IFNGR1: variants seen among roughly 807,000 people sequenced by gnomAD.
The protein encoded by IFNGR1 is AVP, type 2.
A neutral mutation model predicts 35.4 loss-of-function variants in IFNGR1; 23 were observed. The ratio of observed to expected loss-of-function variants is 0.65; its 90% confidence interval spans 0.47 to 0.92. The LOEUF is 0.92. Ranked by LOEUF, IFNGR1 falls within the 40% of genes least tolerant of loss-of-function variation. The probability of loss-of-function intolerance (pLI) is 0.00; values close to 1 mark genes in which losing one functional copy is unlikely to be tolerated. For missense variants in IFNGR1, 533 were observed against 583.4 expected (o/e 0.91, Z 0.89); for synonymous variants, 199 against 209.5 (o/e 0.95, Z 0.43).
intron 1 of IFNGR1, among the ~76,000 whole-genome samples, chr6:137,212,782 GTTTCCTATAA>G (rs1679493198): frequency 6.6e-6 from 1 of 152,332 alleles, no homozygotes; most frequent in Admixed American, 6.5e-5. Context: ...ATCAAAGTAT[GTTTCCTATAA>G]TTTAAGTAAA....
intron 2 of IFNGR1, 79 bp downstream of exon 2, chr6:137,206,884 T>C: frequency 6.3e-6 from 7 of 1,118,526 alleles, no homozygotes; most frequent in African/African-American, 1.5e-5. Flanking sequence ...GGAAGGCTGA[T>C]GAAAGAACAC....
At chr6:137,205,659 G>A (rs886816756) in intron 3 of IFNGR1, among the ~76,000 whole-genome samples, 8 of 152,122 alleles carry the variant, frequency 5.3e-5, no homozygotes, top group Non-Finnish European at 1.0e-4. Context: ...GCAGGGGACC[G>A]CTGGGCAGCA....
At position 137,215,076 on chromosome 6, in the gene IFNGR1, T is replaced by A. The variant is rs1779658568; in HGVS notation, c.85+4167A>T. The stretch of plus-strand genomic sequence containing the variant: ...ACACACAGTGTGCTTACCTTTTTAA[T>A]GCATTACCTCAGATACTCATCACAT... On this transcript the variant is annotated intron_variant, in intron 1 of 6. Transcript: ENST00000367739. 2.6e-5 allele frequency among the ~76,000 whole-genome samples: 4 copies of A among 152,242 alleles called. No individual in the cohort carries two copies. The South Asian group carries it at 8.3e-4, about 32-fold the overall frequency.
rs371734711 is a variant in IFNGR1, at chr6:137,203,519, A to G, written c.713T>C (p.Ile238Thr). 54 of 1,601,866 alleles carry G rather than the reference A, an allele frequency of 3.4e-5. No homozygotes were observed. Among genetic ancestry groups the G allele is most frequent in the Non-Finnish European group, 4.4e-5 (51 of 1,168,958 alleles). The change falls in exon 5 of 7, where the codon ATT (isoleucine) becomes ACT (threonine). Residue 238 changes from isoleucine to threonine, a missense_variant. Physicochemically the swap from Ile to Thr is moderately conservative, Grantham distance 89. Coordinates refer to ENST00000367739, the MANE Select transcript of IFNGR1 (RefSeq NM_000416.3). ...CTTACCTTTTATACTGCTATTGAAA[A>G]TGGTAATACAAACTTCTTTTGACTT... is the stretch of plus-strand genomic sequence containing the variant. ...TEKSKEVCIT[I>T]FNSSIKGSLW...
At position 137,199,394 on chromosome 6, in the gene IFNGR1, AAT is replaced by A. The variant is rs1161411038; in HGVS notation, c.862-757_862-756del. ...ATAAAATATAATTTATATTACATAAAATATATAATTTATAATATATTATATAA... is the reference window on the plus strand; with the variant it reads ...ATAAAATATAATTTATATTACATAAAATATAATTTATAATATATTATATAA... On this transcript the variant is annotated intron_variant, in intron 6 of 6. Coordinates refer to ENST00000367739, the MANE Select transcript of IFNGR1 (RefSeq NM_000416.3). Among the ~76,000 whole-genome samples, 161 of 126,756 alleles carry A rather than the reference AAT, an allele frequency of 1.3e-3. 2 individuals are homozygous for A. The highest frequency in any genetic ancestry group is 4.5e-3 in the African/African-American group (154 of 33,896). The allele number at this position is 126,756 out of a possible 152,430, so 83.2% of individuals were successfully genotyped here. A position where few individuals can be genotyped will look rare whatever the true frequency, so the allele number is the denominator to read the frequency against.
At chr6:137,218,510 ACTGCCACTTACTTCTCAG>A (rs1582648809) in intron 1 of IFNGR1, 27 of 1,289,068 alleles carry the variant, frequency 2.1e-5, no homozygotes, top group Middle Eastern at 2.1e-4. Context: ...CCTAAGACGG[ACTGCCACTTACTTCTCAG>A]CTGCCACTTA....
At chr6:137,202,141 A>C (rs1779291974) in intron 5 of IFNGR1, among the ~76,000 whole-genome samples, 1 of 152,240 alleles carries the variant, frequency 6.6e-6, no homozygotes, top group African/African-American at 2.4e-5. Flanking sequence ...AAAAAGTTAA[A>C]TCATTACAAA....
chr6:137,215,282 G>T, intron 1 of IFNGR1: 1 of 1,547,752 alleles, frequency 6.5e-7, no homozygotes, highest in Non-Finnish European at 8.7e-7. Flanking sequence ...TATTTAAATT[G>T]GAATTGGAGA....
chr6:137,207,097 T>C lies in IFNGR1; in HGVS notation c.86-20A>G. ...TAGGCACTGTAAGAAAATAAAAAAGTAAAAGGGACAATTGTAAGAAACTAA... is the reference window on the plus strand; with the variant it reads ...TAGGCACTGTAAGAAAATAAAAAAGCAAAAGGGACAATTGTAAGAAACTAA... On this transcript the variant is annotated intron_variant, in intron 1 of 6. Coordinates refer to ENST00000367739, the MANE Select transcript of IFNGR1 (RefSeq NM_000416.3). The C allele has an allele frequency of 6.2e-7, 1 of 1,613,128 alleles. No homozygotes were observed. Among genetic ancestry groups the C allele is most frequent in the Non-Finnish European group, 8.5e-7 (1 of 1,179,388 alleles).
Position 137,215,250 on chromosome 6 carries a change from A to G in IFNGR1, c.85+3993T>C, listed in dbSNP as rs1191227181. On this transcript the variant is annotated intron_variant, in intron 1 of 6. Transcript: ENST00000367739. Reference sequence around the variant, plus strand: ...CAACATCTTTGTGATCGTTTAATAAAATAAGGGGTAAATTACCTCCATATT... The same window carrying G: ...CAACATCTTTGTGATCGTTTAATAAGATAAGGGGTAAATTACCTCCATATT... 8 of 1,543,994 alleles carry G rather than the reference A, an allele frequency of 5.2e-6. No homozygotes were observed. In the East Asian group the frequency reaches 1.7e-4, roughly 33 times the overall value.
At chr6:137,204,283 T>G in intron 4 of IFNGR1, 49 bp downstream of exon 4, 1 of 1,498,846 alleles carries the variant, frequency 6.7e-7, no homozygotes, top group South Asian at 1.1e-5. Flanking sequence ...AGGAACAACT[T>G]TTGCTAGCTA....
At chr6:137,200,162 GACT>G (rs1045891700) in intron 6 of IFNGR1, among the ~76,000 whole-genome samples, 4 of 152,118 alleles carry the variant, frequency 2.6e-5, no homozygotes, top group Non-Finnish European at 5.9e-5. Flanking sequence ...TTTGTGAGTT[GACT>G]ACTAACTGTT....
At chr6:137,212,189 G>T (rs979248876) in intron 1 of IFNGR1, among the ~76,000 whole-genome samples, 3 of 152,126 alleles carry the variant, frequency 2.0e-5, no homozygotes, top group African/African-American at 7.2e-5. Flanking sequence ...TCAGCTTTCT[G>T]CCACTACATA....
chr6:137,202,193 T>C (rs1466523789), intron 5 of IFNGR1, among the ~76,000 whole-genome samples: 2 of 152,198 alleles, frequency 1.3e-5, no homozygotes, highest in African/African-American at 2.4e-5. Context: ...TTAGTGCTGT[T>C]AGAAGTCCCA....
intron 1 of IFNGR1, chr6:137,215,423 T>C (rs1055995472): frequency 5.5e-6 from 7 of 1,274,122 alleles, no homozygotes; most frequent in Admixed American, 2.5e-5. Context: ...TTCTTAAAAA[T>C]ACACAAGACC....
At chr6:137,207,646 C>T (rs1779471535) in intron 1 of IFNGR1, among the ~76,000 whole-genome samples, 4 of 152,136 alleles carry the variant, frequency 2.6e-5, no homozygotes, top group African/African-American at 7.2e-5. Context: ...CTTTTTGCTT[C>T]GTCCTCATTT....
chr6:137,203,697 A>C lies in IFNGR1; in HGVS notation c.547-12T>G. The C allele has an allele frequency of 6.2e-7, 1 of 1,610,656 alleles. No homozygotes were observed. Among genetic ancestry groups the C allele is most frequent in the Non-Finnish European group, 8.5e-7 (1 of 1,177,818 alleles). ...ATTTTATACTGGATCTAGATGAAAA[A>C]AGAAAACAGTGAAAATGCACAGCTT... On this transcript the variant is annotated splice_polypyrimidine_tract_variant and intron_variant, in intron 4 of 6. Transcript: ENST00000367739.
chr6:137,198,775 C>A, intron 6 of IFNGR1, 136 bp from the exon 7 acceptor site: 1 of 685,942 alleles, frequency 1.5e-6, no homozygotes. Context: ...GTTGCCATTT[C>A]TTTTTAATGA....
chr6:137,197,569 T>G lies in IFNGR1; in HGVS notation c.*462A>C, dbSNP rs7750706. The G allele has an allele frequency of 2.0e-3, 307 of 154,724 alleles. 2 individuals carry two copies. The highest frequency in any genetic ancestry group is 6.9e-3 in the African/African-American group (285 of 41,586). The allele number at this position is 154,724 out of a possible 1,614,324, so 9.6% of individuals were successfully genotyped here. ...CGTTTCTATTTACATATTCCATTAA[T>G]TCTATTAGTTTGAATTAGATTTTAA... On this transcript the variant is annotated 3_prime_UTR_variant, in exon 7 of 7. Coordinates refer to ENST00000367739, the MANE Select transcript of IFNGR1 (RefSeq NM_000416.3).
Sources: allele counts gnomAD v4.1 joint callset (sites outside exome capture counted in the v4.1 genomes callset), GRCh38; gene constraint gnomAD v4.1.1; transcripts MANE v1.5; gene names NCBI Gene and HGNC (gene_info 2026-07-23, HGNC 2026-07-21).